Variants in NELL1 observed in about 807,000 individuals in gnomAD.
The protein encoded by NELL1 is protein kinase C-binding protein NELL1.
In NELL1, 76 loss-of-function variants were observed where a neutral mutation model predicts 107.4. The ratio of observed to expected loss-of-function variants is 0.71; its 90% CI spans 0.59 to 0.86. The LOEUF is 0.86. NELL1 is among the 40% of genes least tolerant of loss of function. The pLI is 0.00. For missense variants in NELL1, 1,024 were observed against 1,005.5 expected, an observed-to-expected ratio of 1.02 and a Z score of -0.25; for synonymous variants, 353 against 341.2, an observed-to-expected ratio of 1.03 and a Z score of -0.38.
chr11:21,259,670 G>GA (rs1486727335), intron 14 of NELL1, among the ~76,000 whole-genome samples: 2 of 151,428 alleles, frequency 1.3e-5, no homozygotes, highest in African/African-American at 2.4e-5. Context: ...GTTTTACAGA[G>GA]AAAAAAAAGA....
At position 21,575,274 on chromosome 11, in the gene NELL1, C is replaced by A; in HGVS notation, c.*252C>A. ...TCAATGGTTGTTAAAAGAAGTTTCCCGTGTTGTAAATCATGTTTCCCTTAT... is the reference window on the plus strand; with the variant it reads ...TCAATGGTTGTTAAAAGAAGTTTCCAGTGTTGTAAATCATGTTTCCCTTAT... On this transcript the variant is annotated 3_prime_UTR_variant, in exon 20 of 20. Coordinates refer to ENST00000357134, the MANE Select transcript of NELL1 (RefSeq NM_006157.5). 1 of 426,752 alleles carries A rather than the reference C, an allele frequency of 2.3e-6. No homozygotes were observed. Among genetic ancestry groups the A allele is most frequent in the African/African-American group, 2.0e-5 (1 of 50,622 alleles). 26.4% of individuals were successfully genotyped at this position (426,752 alleles called of 1,614,324 possible).
chr11:20,847,098 G>T (rs1282463527), intron 3 of NELL1, among the ~76,000 whole-genome samples: 1 of 151,836 alleles, frequency 6.6e-6, no homozygotes, highest in Non-Finnish European at 1.5e-5. Flanking sequence ...ATATCTTTTT[G>T]TCTACAGAGA....
chr11:20,864,242 A>G (rs527448769), intron 4 of NELL1, among the ~76,000 whole-genome samples: 6 of 151,864 alleles, frequency 4.0e-5, no homozygotes, highest in Non-Finnish European at 7.4e-5. Context: ...TGAAATATAT[A>G]TACATTGTGG....
chr11:20,983,928 G>C (rs1400370), intron 12 of NELL1, among the ~76,000 whole-genome samples: 47,993 of 151,984 alleles, frequency 0.32, 8,670 homozygotes, highest in East Asian at 0.51. Context: ...GCACCATGCT[G>C]CCTCTTTGTC....
At chr11:21,530,016 C>CT (rs1855955233) in intron 15 of NELL1, among the ~76,000 whole-genome samples, 1 of 152,132 alleles carries the variant, frequency 6.6e-6, no homozygotes, top group Non-Finnish European at 1.5e-5. Context: ...CCCCTAGACT[C>CT]TATGTATCTG....
At chr11:20,834,104 G>A (rs1276271580) in intron 3 of NELL1, among the ~76,000 whole-genome samples, 1 of 152,182 alleles carries the variant, frequency 6.6e-6, no homozygotes, top group Non-Finnish European at 1.5e-5. Context: ...ATGGGCCGGC[G>A]TGGATTCGGT....
rs16908121 is a variant in NELL1, at chr11:21,463,112, C to G, written c.1646-71262C>G. Among the ~76,000 whole-genome samples the G allele has an allele frequency of 0.018, 2,702 of 152,140 alleles. 202 individuals carry two copies. The East Asian group carries it at 0.22, about 13-fold the overall frequency. On this transcript the variant is annotated intron_variant, in intron 15 of 19. Coordinates refer to ENST00000357134, the MANE Select transcript of NELL1 (RefSeq NM_006157.5). ...CCACAGAGACTGGATCCAGGAGCCT[C>G]TCCTCTGTCTTCTGAGTTATGGTGT... is the stretch of plus-strand genomic sequence containing the variant.
intron 13 of NELL1, among the ~76,000 whole-genome samples, chr11:21,223,184 C>CTCTCTT (rs950287238): frequency 6.6e-6 from 1 of 151,990 alleles, no homozygotes; most frequent in Non-Finnish European, 1.5e-5. Context: ...CTCTCTCTCT[C>CTCTCTT]TCTCTTTCTC....
intron 14 of NELL1, among the ~76,000 whole-genome samples, chr11:21,236,919 G>A (rs1858222303): frequency 6.6e-6 from 1 of 152,116 alleles, no homozygotes; most frequent in Non-Finnish European, 1.5e-5. Flanking sequence ...TTTGAAGAAA[G>A]GCTAATGTAA....
At chr11:20,921,798 G>GTTT (rs754194719) in intron 7 of NELL1, among the ~76,000 whole-genome samples, 10 of 145,588 alleles carry the variant, frequency 6.9e-5, no homozygotes, top group Admixed American at 2.7e-4. Flanking sequence ...TATTGTGTGT[G>GTTT]TTTTTTTTTT....
intron 12 of NELL1, among the ~76,000 whole-genome samples, chr11:21,026,098 C>G (rs1384349128): frequency 6.6e-6 from 1 of 152,138 alleles, no homozygotes; most frequent in Non-Finnish European, 1.5e-5. Context: ...AGTCTCTTAA[C>G]TCTTCTCTCT....
chr11:21,438,120 C>G (rs1853177156), intron 15 of NELL1, among the ~76,000 whole-genome samples: 1 of 152,138 alleles, frequency 6.6e-6, no homozygotes, highest in South Asian at 2.1e-4. Context: ...CTTTCAATTC[C>G]AGATGCAGAT....
chr11:20,934,840 A>T (rs1850690204), intron 9 of NELL1, among the ~76,000 whole-genome samples: 1 of 152,206 alleles, frequency 6.6e-6, no homozygotes, highest in Non-Finnish European at 1.5e-5. Flanking sequence ...AGGACCAACG[A>T]GTCATGGTCA....
At chr11:21,262,142 C>A (rs2133923699) in intron 14 of NELL1, among the ~76,000 whole-genome samples, 1 of 151,860 alleles carries the variant, frequency 6.6e-6, no homozygotes, top group East Asian at 1.9e-4. Context: ...ATGGTATTAT[C>A]ATAATTAATC....
At chr11:20,851,817 GA>G (rs1179520911) in intron 4 of NELL1, among the ~76,000 whole-genome samples, 2 of 152,190 alleles carry the variant, frequency 1.3e-5, no homozygotes, top group Non-Finnish European at 2.9e-5. Flanking sequence ...ACTTCGTTCT[GA>G]AACCACCAGA....
At chr11:20,896,440 T>C (rs1271781859) in intron 5 of NELL1, among the ~76,000 whole-genome samples, 1 of 152,188 alleles carries the variant, frequency 6.6e-6, no homozygotes, top group African/African-American at 2.4e-5. Flanking sequence ...GCTATAACCG[T>C]GTGTATGTCT....
chr11:20,798,577 C>T (rs1023126899), intron 3 of NELL1, among the ~76,000 whole-genome samples: 5 of 152,154 alleles, frequency 3.3e-5, no homozygotes, highest in African/African-American at 1.2e-4. Flanking sequence ...AACATGCATT[C>T]GTTCATTTGG....
intron 5 of NELL1, among the ~76,000 whole-genome samples, chr11:20,902,455 GA>G (rs1268639345): frequency 2.0e-5 from 3 of 152,048 alleles, no homozygotes; most frequent in Non-Finnish European, 4.4e-5. Context: ...TGGCAAAAGT[GA>G]AAAACCATCT....
intron 5 of NELL1, among the ~76,000 whole-genome samples, chr11:20,910,717 C>T (rs943598501): frequency 3.9e-5 from 6 of 152,322 alleles, no homozygotes; most frequent in Middle Eastern, 3.4e-3. Context: ...AGATTGTAGG[C>T]TTCACCAGGG....
Sources: allele counts gnomAD v4.1 joint callset (sites outside exome capture counted in the v4.1 genomes callset), GRCh38; gene constraint gnomAD v4.1.1; transcripts MANE v1.5; gene names NCBI Gene and HGNC (gene_info 2026-07-23, HGNC 2026-07-21).